PPP1R36: variants seen among roughly 807,000 people sequenced by gnomAD.
PPP1R36 encodes protein phosphatase 1 regulatory subunit 36.
A neutral mutation model predicts 53.4 loss-of-function variants in PPP1R36; 47 were observed. That is an observed-to-expected ratio of 0.88 (90% CI 0.70 to 1.12). The LOEUF (loss-of-function observed/expected upper bound fraction) is 1.12. Among genes scored for constraint, PPP1R36 ranks in the 50% most tolerant of loss-of-function variants. The pLI is 0.00. For synonymous variants in PPP1R36, 153 were observed against 170.5 expected (o/e 0.90, Z 0.80); for missense variants, 456 against 513.9 (o/e 0.89, Z 1.09).
intron 11 of PPP1R36, among the ~76,000 whole-genome samples, chr14:64,588,800 T>A (rs1193671145): frequency 6.6e-6 from 1 of 152,058 alleles, no homozygotes; most frequent in African/African-American, 2.4e-5. Context: ...CCTCAGGTGA[T>A]CTGCCCGCCT....
chr14:64,554,471 T>C (rs955073952), intron 3 of PPP1R36, among the ~76,000 whole-genome samples: 3 of 152,068 alleles, frequency 2.0e-5, no homozygotes, highest in African/African-American at 7.3e-5. Context: ...TTTTAACAGA[T>C]AGTTCAAACC....
At chr14:64,571,505 A>G (rs1383594694) in intron 7 of PPP1R36, among the ~76,000 whole-genome samples, 1 of 152,142 alleles carries the variant, frequency 6.6e-6, no homozygotes, top group Admixed American at 6.6e-5. Flanking sequence ...TAATGGTAGC[A>G]TAGTTTTCCA....
rs746326238 is a variant in PPP1R36 at position 64,564,756 on chromosome 14, C to T, written c.188C>T (p.Thr63Ile). Residue 63 changes from threonine (T) to isoleucine (I), a missense_variant, in exon 4 of 12, where the codon ACA becomes ATA. Physicochemically the swap from Thr to Ile is moderately conservative, Grantham distance 89 (BLOSUM62 -1). Transcript: ENST00000298705. The part of the protein sequence containing the change: ...QWLLKHHPHF[T>I]PAAEVKEKGK... ...TTATCTCATTTTTATTGCAGTTTTA[C>T]ACCTGCAGCAGAAGTCAAGGAAAAA... 2 of 1,606,152 alleles carry T rather than the reference C, an allele frequency of 1.2e-6. No individual in the cohort carries two copies. Among genetic ancestry groups the T allele is most frequent in the African/African-American group, 1.3e-5 (1 of 74,454 alleles).
chr14:64,550,941 G>C lies in PPP1R36; in HGVS notation c.90G>C (p.Gly30=). The change falls in exon 2 of 12, where the codon GGG becomes GGC. Residue 30 remains glycine, a synonymous_variant. Coordinates refer to ENST00000298705, the MANE Select transcript of PPP1R36 (RefSeq NM_172365.3). Reference sequence around the variant, plus strand: ...TACAGCAGTTGGGATTACGATTAGGGATGTGGTACTGGAAAGATGAAACCA... The same window carrying C: ...TACAGCAGTTGGGATTACGATTAGGCATGTGGTACTGGAAAGATGAAACCA... ...YLMDQLGLRL[G]MWYWKDETRT... is the part of the protein sequence containing the mutation. The C allele has an allele frequency of 6.2e-7, 1 of 1,610,126 alleles. No homozygotes were observed. The highest frequency in any genetic ancestry group is 8.5e-7 in the Non-Finnish European group (1 of 1,178,424).
chr14:64,579,902 G>A (rs1402616916), intron 8 of PPP1R36, among the ~76,000 whole-genome samples: 1 of 152,104 alleles, frequency 6.6e-6, no homozygotes, highest in Non-Finnish European at 1.5e-5. Context: ...CCTGGGAGGC[G>A]CAGCTTGCAG....
At chr14:64,553,548 C>G (rs998525621) in intron 3 of PPP1R36, among the ~76,000 whole-genome samples, 5 of 151,884 alleles carry the variant, frequency 3.3e-5, no homozygotes, top group Admixed American at 2.6e-4. Flanking sequence ...AGGCCAGACA[C>G]AAAAATGTAA....
At chr14:64,555,231 G>T (rs2140216900) in intron 3 of PPP1R36, among the ~76,000 whole-genome samples, 1 of 152,242 alleles carries the variant, frequency 6.6e-6, no homozygotes, top group Admixed American at 6.5e-5. Flanking sequence ...GTTTTTAGTG[G>T]TATTTCCATT....
chr14:64,565,484 A>C (rs2080243809), intron 5 of PPP1R36, 30 bp downstream of exon 5: 1 of 1,526,682 alleles, frequency 6.6e-7, no homozygotes, highest in African/African-American at 1.4e-5. Flanking sequence ...TGCATACATA[A>C]ACATACATCT....
chr14:64,575,260 A>C (rs1312381994), intron 8 of PPP1R36, among the ~76,000 whole-genome samples: 1 of 152,148 alleles, frequency 6.6e-6, no homozygotes, highest in Non-Finnish European at 1.5e-5. Context: ...TAGGAAAAGA[A>C]CCTAGTACAT....
chr14:64,551,289 A>G (rs758938389), intron 2 of PPP1R36, among the ~76,000 whole-genome samples: 1 of 152,268 alleles, frequency 6.6e-6, no homozygotes, highest in Non-Finnish European at 1.5e-5. Context: ...GCCCAATCAC[A>G]CAGCTCAGAG....
chr14:64,578,415 A>G (rs1200211917), intron 8 of PPP1R36, among the ~76,000 whole-genome samples: 1 of 152,238 alleles, frequency 6.6e-6, no homozygotes, highest in Non-Finnish European at 1.5e-5. Flanking sequence ...TGAAGAGAGT[A>G]GACTAGAACT....
chr14:64,571,612 A>C (rs1256648812), intron 7 of PPP1R36, among the ~76,000 whole-genome samples: 5 of 152,184 alleles, frequency 3.3e-5, no homozygotes, highest in Non-Finnish European at 7.3e-5. Flanking sequence ...ATCTCGTGGA[A>C]GACTCACTCA....
chr14:64,579,296 G>A (rs2080367777), intron 8 of PPP1R36, among the ~76,000 whole-genome samples: 1 of 152,010 alleles, frequency 6.6e-6, no homozygotes, highest in Non-Finnish European at 1.5e-5. Flanking sequence ...AACCCAAAAG[G>A]ACAAGAGCAT....
rs1435646072 is a variant in PPP1R36 at position 64,588,101 on chromosome 14, C to A, written c.891-3C>A. On this transcript the variant is annotated splice_polypyrimidine_tract_variant and splice_region_variant and intron_variant, in intron 10 of 11. Transcript: ENST00000298705. The stretch of plus-strand genomic sequence containing the variant: ...ACCTAAATGTCACCTTCCTCCCCGA[C>A]AGGAGAATGATGGCAAAACGCCCAG... 1 of 1,593,608 alleles carries A rather than the reference C, an allele frequency of 6.3e-7. No individual in the cohort carries two copies. Among genetic ancestry groups the A allele is most frequent in the Non-Finnish European group, 8.6e-7 (1 of 1,167,668 alleles).
At chr14:64,552,687 C>A in intron 2 of PPP1R36, 127 bp from the exon 3 acceptor site, 1 of 676,246 alleles carries the variant, frequency 1.5e-6, no homozygotes, top group Non-Finnish European at 2.6e-6. Context: ...GATAATTAAA[C>A]AAATAATTCA....
chr14:64,574,774 G>A (rs887259994), intron 8 of PPP1R36, among the ~76,000 whole-genome samples, 185 bp downstream of exon 8: 29 of 152,230 alleles, frequency 1.9e-4, no homozygotes, highest in African/African-American at 7.0e-4. Flanking sequence ...CAAAGTGCAT[G>A]TGGAAGAAAT....
intron 8 of PPP1R36, among the ~76,000 whole-genome samples, chr14:64,583,900 CTTTTT>C (rs912391508): frequency 1.7e-5 from 2 of 120,078 alleles, no homozygotes; most frequent in Non-Finnish European, 3.4e-5. Flanking sequence ...GTTACCTCCT[CTTTTT>C]TTTTTTTTTT....
intron 8 of PPP1R36, among the ~76,000 whole-genome samples, chr14:64,581,623 T>G (rs1157733618): frequency 1.8e-5 from 2 of 114,094 alleles, no homozygotes; most frequent in Admixed American, 1.1e-4. Flanking sequence ...TATTTCCATG[T>G]TTGGGGGTGG....
intron 3 of PPP1R36, among the ~76,000 whole-genome samples, chr14:64,560,581 G>A (rs1596728329): frequency 6.6e-6 from 1 of 152,302 alleles, no homozygotes; most frequent in African/African-American, 2.4e-5. Flanking sequence ...GATGGTGGCA[G>A]TGGAAAGAGA....
Sources: gnomAD v4.1 joint callset for allele counts (sites outside exome capture counted in the v4.1 genomes callset) on GRCh38, gnomAD v4.1.1 for gene constraint, MANE v1.5 for transcripts, NCBI Gene and HGNC (gene_info 2026-07-23, HGNC 2026-07-21) for gene names.